The following ERC2 variants were observed in gnomAD, a reference collection of about 807,000 sequenced individuals.
The protein encoded by ERC2 is ELKS/RAB6-interacting/CAST family member 2, also known as ERC protein 2.
Under a neutral mutation model 114.8 loss-of-function variants are expected in ERC2, and 42 were observed. The ratio of observed to expected loss-of-function variants is 0.37; its 90% CI spans 0.29 to 0.47. The LOEUF is 0.47. Among genes scored for constraint, ERC2 ranks in the 20% least tolerant of loss-of-function variants. The pLI is 0.99. For synonymous variants in ERC2, 454 were observed against 425.5 expected (o/e 1.07, Z -0.82); for missense variants, 939 against 1,150.7 (o/e 0.82, Z 2.66).
At chr3:56,105,518 A>T (rs1429190396) in intron 6 of ERC2, among the ~76,000 whole-genome samples, 2 of 151,998 alleles carry the variant, frequency 1.3e-5, no homozygotes, top group Non-Finnish European at 2.9e-5. Context: ...GTCTTGCTAC[A>T]TTGCCCAGGC....
chr3:55,919,404 T>C (rs184290141), intron 13 of ERC2, among the ~76,000 whole-genome samples: 5 of 152,206 alleles, frequency 3.3e-5, no homozygotes, highest in Non-Finnish European at 7.4e-5. Context: ...AAAAGTATGA[T>C]GCCAATGGAG....
At chr3:56,036,132 A>G (rs1285384379) in intron 7 of ERC2, among the ~76,000 whole-genome samples, 1 of 152,218 alleles carries the variant, frequency 6.6e-6, no homozygotes, top group Non-Finnish European at 1.5e-5. Context: ...CAATAGATGC[A>G]GAAAAAGCAC....
intron 17 of ERC2, among the ~76,000 whole-genome samples, chr3:55,555,134 C>T (rs2055509806): frequency 6.6e-6 from 1 of 152,080 alleles, no homozygotes; most frequent in Non-Finnish European, 1.5e-5. Context: ...AGACATGCCG[C>T]CCTTGCTAAA....
At chr3:55,564,011 C>T (rs577981578) in intron 17 of ERC2, among the ~76,000 whole-genome samples, 2 of 152,280 alleles carry the variant, frequency 1.3e-5, no homozygotes, top group African/African-American at 2.4e-5. Flanking sequence ...GAGGATGACA[C>T]GGTTCTTACT....
chr3:55,793,492 T>G lies in ERC2; in HGVS notation c.2565-58574A>C, dbSNP rs111379614. Among the ~76,000 whole-genome samples the G allele has an allele frequency of 2.0e-5, 3 of 152,272 alleles. 1 individual carries two copies. The highest frequency in any genetic ancestry group is 7.2e-5 in the African/African-American group (3 of 41,560). Reference sequence around the variant, plus strand: ...TCTGCAAAGTTTTTATTCAGTGCTATAGGGAAGGTTTCTTTCACTGTTTAA... The same window carrying G: ...TCTGCAAAGTTTTTATTCAGTGCTAGAGGGAAGGTTTCTTTCACTGTTTAA... On this transcript the variant is annotated intron_variant, in intron 14 of 17. Coordinates refer to ENST00000288221, the MANE Select transcript of ERC2 (RefSeq NM_015576.3).
intron 7 of ERC2, among the ~76,000 whole-genome samples, chr3:56,055,930 T>C (rs2075993758): frequency 6.6e-6 from 1 of 151,794 alleles, no homozygotes; most frequent in Non-Finnish European, 1.5e-5. Flanking sequence ...TTGATAGGAG[T>C]GTGGAAGGGG....
chr3:55,841,388 C>T (rs1038753105), intron 14 of ERC2, among the ~76,000 whole-genome samples: 22 of 152,242 alleles, frequency 1.4e-4, no homozygotes, highest in African/African-American at 5.3e-4. Flanking sequence ...TTGCCTGCTG[C>T]CATGTATGAC....
At chr3:56,167,565 G>A (rs1416760762) in intron 4 of ERC2, among the ~76,000 whole-genome samples, 1 of 152,052 alleles carries the variant, frequency 6.6e-6, no homozygotes, top group Non-Finnish European at 1.5e-5. Context: ...ATCACATTTT[G>A]CCCATTATTT....
intron 17 of ERC2, among the ~76,000 whole-genome samples, chr3:55,580,242 T>TG (rs1257691467): frequency 6.6e-5 from 10 of 152,092 alleles, no homozygotes; most frequent in African/African-American, 2.4e-4. Context: ...TTTTTTTTTT[T>TG]TTTGTCTTGG....
At chr3:56,293,512 A>G (rs2150351738) in intron 3 of ERC2, among the ~76,000 whole-genome samples, 1 of 152,306 alleles carries the variant, frequency 6.6e-6, no homozygotes, top group East Asian at 1.9e-4. Flanking sequence ...AATTTAACAA[A>G]TGGCTCTCAC....
intron 2 of ERC2, among the ~76,000 whole-genome samples, chr3:56,368,117 C>T (rs958214587): frequency 2.6e-5 from 4 of 150,964 alleles, no homozygotes; most frequent in Admixed American, 2.6e-4. Context: ...ACTCAATATA[C>T]CCATGTAACA....
At chr3:55,858,852 A>G (rs1053617899) in intron 14 of ERC2, among the ~76,000 whole-genome samples, 2 of 152,050 alleles carry the variant, frequency 1.3e-5, no homozygotes, top group African/African-American at 2.4e-5. Flanking sequence ...TGCTAGGCCT[A>G]TGTTCTCAAT....
intron 8 of ERC2, among the ~76,000 whole-genome samples, chr3:56,010,850 C>T (rs1310288164): frequency 6.6e-6 from 1 of 152,162 alleles, no homozygotes; most frequent in Admixed American, 6.6e-5. Flanking sequence ...TCTGTGGTTG[C>T]TCTTGGTTCA....
chr3:55,896,163 G>A (rs900317120), intron 13 of ERC2, among the ~76,000 whole-genome samples: 1 of 152,182 alleles, frequency 6.6e-6, no homozygotes, highest in African/African-American at 2.4e-5. Context: ...CACATGCCAG[G>A]CACTCTGCTG....
chr3:55,622,080 C>T (rs950451839), intron 17 of ERC2, among the ~76,000 whole-genome samples: 4 of 152,170 alleles, frequency 2.6e-5, no homozygotes, highest in East Asian at 1.9e-4. Context: ...TGCTTCGTAC[C>T]GCCATCCATA....
At chr3:56,370,029 T>C (rs892956838) in intron 2 of ERC2, among the ~76,000 whole-genome samples, 5 of 152,160 alleles carry the variant, frequency 3.3e-5, no homozygotes, top group African/African-American at 1.2e-4. Flanking sequence ...CTCAGACTAA[T>C]ACCTCATGCA....
In ERC2 at chr3:55,872,134, C is replaced by T. The variant is rs182527510; in HGVS notation, c.2564+16255G>A. Among the ~76,000 whole-genome samples, 662 of 152,204 alleles carry T rather than the reference C, an allele frequency of 4.3e-3. 3 individuals are homozygous for T. The highest frequency in any genetic ancestry group is 0.015 in the African/African-American group (630 of 41,530). ...TCACTTTACTTTAGTATATAATTGACATTTTAAAAATTAACAGTAATTTAC... is the reference window on the plus strand; with the variant it reads ...TCACTTTACTTTAGTATATAATTGATATTTTAAAAATTAACAGTAATTTAC... On this transcript the variant is annotated intron_variant, in intron 14 of 17. Transcript: ENST00000288221.
chr3:56,209,946 C>G (rs2048958910), intron 3 of ERC2, among the ~76,000 whole-genome samples: 1 of 152,094 alleles, frequency 6.6e-6, no homozygotes, highest in African/African-American at 2.4e-5. Flanking sequence ...TGACAACATA[C>G]TACAGTATAA....
At chr3:56,445,967 G>C (rs1418554648) in intron 1 of ERC2, among the ~76,000 whole-genome samples, 4 of 151,824 alleles carry the variant, frequency 2.6e-5, no homozygotes, top group African/African-American at 7.3e-5. Context: ...GAAGCTGACT[G>C]GCCAAGGGTC....
Sources: gnomAD v4.1 joint callset for allele counts (sites outside exome capture counted in the v4.1 genomes callset) on GRCh38, gnomAD v4.1.1 for gene constraint, MANE v1.5 for transcripts, NCBI Gene and HGNC (gene_info 2026-07-23, HGNC 2026-07-21) for gene names.